The following KCNIP4 variants were observed in gnomAD, a reference collection of about 807,000 sequenced individuals.
KCNIP4 encodes Kv channel-interacting protein 4.
In KCNIP4, 12 loss-of-function variants were observed where a neutral mutation model predicts 34.0. The observed-to-expected ratio is 0.35, with a 90% CI of 0.23 to 0.57. The LOEUF (loss-of-function observed/expected upper bound fraction) is 0.57. KCNIP4 is among the 20% of genes least tolerant of loss of function. The probability of loss-of-function intolerance (pLI) is 0.83; values close to 1 mark genes in which losing one functional copy is unlikely to be tolerated. For synonymous variants in KCNIP4, 124 were observed against 102.2 expected, an observed-to-expected ratio of 1.21 and a Z score of -1.29; for missense variants, 238 against 311.7, an observed-to-expected ratio of 0.76 and a Z score of 1.78.
chr4:21,318,598 G>T (rs1307066866), intron 1 of KCNIP4, among the ~76,000 whole-genome samples: 1 of 151,990 alleles, frequency 6.6e-6, no homozygotes, highest in Non-Finnish European at 1.5e-5. Flanking sequence ...TGCCACTATT[G>T]TACCACCAAA....
intron 1 of KCNIP4, among the ~76,000 whole-genome samples, chr4:21,384,552 C>G (rs961815378): frequency 1.3e-5 from 2 of 152,196 alleles, no homozygotes; most frequent in African/African-American, 2.4e-5. Context: ...AGCATTAAAA[C>G]TACCTCCCAG....
chr4:21,388,527 A>T (rs1180920620), intron 1 of KCNIP4, among the ~76,000 whole-genome samples: 1 of 152,096 alleles, frequency 6.6e-6, no homozygotes, highest in East Asian at 1.9e-4. Context: ...ATATCATATA[A>T]TTTAACCTGT....
intron 1 of KCNIP4, among the ~76,000 whole-genome samples, chr4:21,122,457 G>GTTTT (rs10553440): frequency 7.9e-6 from 1 of 126,360 alleles, no homozygotes. Flanking sequence ...TGCAGATCAA[G>GTTTT]TTTTTTTTTT....
intron 1 of KCNIP4, among the ~76,000 whole-genome samples, chr4:20,892,355 C>T (rs1317998652): frequency 6.6e-6 from 1 of 151,572 alleles, no homozygotes; most frequent in African/African-American, 2.4e-5. Context: ...ATTAATGCTA[C>T]TCTCTGTCAG....
chr4:21,465,919 C>T lies in KCNIP4; in HGVS notation c.61+482652G>A, dbSNP rs144768247. On this transcript the variant is annotated intron_variant, in intron 1 of 8. Transcript: ENST00000382152. ...CATGTGCTCCAGCACCTGCAAACAA[C>T]GTGTATACTCTTCCCTGGAGCAAGA... Among the ~76,000 whole-genome samples, 66 of 152,304 alleles carry T rather than the reference C, an allele frequency of 4.3e-4. 1 individual carries two copies. Among genetic ancestry groups the T allele is most frequent in the Middle Eastern group, 3.4e-3 (1 of 294 alleles).
At chr4:20,950,162 C>T (rs1732632895) in intron 1 of KCNIP4, among the ~76,000 whole-genome samples, 1 of 148,576 alleles carries the variant, frequency 6.7e-6, no homozygotes, top group African/African-American at 2.5e-5. Context: ...ACTGGTTCTT[C>T]CTGTGCAGAG....
At chr4:21,304,242 G>T (rs1000064091) in intron 1 of KCNIP4, among the ~76,000 whole-genome samples, 5 of 152,126 alleles carry the variant, frequency 3.3e-5, no homozygotes, top group African/African-American at 1.2e-4. Context: ...AGTAGCAGCC[G>T]GATAAAGTCG....
chr4:21,708,919 A>T, intron 1 of KCNIP4, among the ~76,000 whole-genome samples: 1 of 152,184 alleles, frequency 6.6e-6, no homozygotes, highest in East Asian at 1.9e-4. Context: ...ATTAGGCCAC[A>T]TATGTGATTT....
At chr4:21,493,108 C>T (rs769528464) in intron 1 of KCNIP4, among the ~76,000 whole-genome samples, 23 of 150,900 alleles carry the variant, frequency 1.5e-4, no homozygotes, top group Non-Finnish European at 3.0e-4. Context: ...AATCCAAATG[C>T]TGGCTCTCTC....
intron 1 of KCNIP4, among the ~76,000 whole-genome samples, chr4:20,970,910 A>C (rs1734878296): frequency 6.6e-6 from 1 of 152,212 alleles, no homozygotes; most frequent in African/African-American, 2.4e-5. Flanking sequence ...CTTGAAATTT[A>C]GCAAAAGAGA....
intron 1 of KCNIP4, among the ~76,000 whole-genome samples, chr4:21,292,882 A>G (rs1763614612): frequency 6.6e-6 from 1 of 152,104 alleles, no homozygotes; most frequent in Non-Finnish European, 1.5e-5. Context: ...TTTTTTCCCT[A>G]TAGCATCCCC....
At chr4:21,009,783 G>C (rs1738908879) in intron 1 of KCNIP4, among the ~76,000 whole-genome samples, 1 of 152,212 alleles carries the variant, frequency 6.6e-6, no homozygotes, top group Non-Finnish European at 1.5e-5. Flanking sequence ...CCTCTGAGCT[G>C]CTTCAGGCAC....
chr4:21,319,321 C>A (rs1578071883), intron 1 of KCNIP4, among the ~76,000 whole-genome samples: 3 of 152,344 alleles, frequency 2.0e-5, no homozygotes, highest in East Asian at 3.9e-4. Context: ...AATAACAAAT[C>A]AACAGACACA....
At chr4:21,566,625 T>C (rs716402) in intron 1 of KCNIP4, among the ~76,000 whole-genome samples, 32,239 of 152,014 alleles carry the variant, frequency 0.21, 3,654 homozygotes, top group East Asian at 0.32. Flanking sequence ...TCTTTATAAA[T>C]TACCCAGTAT....
chr4:20,808,496 G>T (rs1362828883), intron 3 of KCNIP4, among the ~76,000 whole-genome samples: 2 of 152,130 alleles, frequency 1.3e-5, no homozygotes, highest in Non-Finnish European at 2.9e-5. Flanking sequence ...TACTTTGAAA[G>T]AACATAATTA....
chr4:21,798,412 T>C (rs1299759993), intron 1 of KCNIP4, among the ~76,000 whole-genome samples: 52 of 138,108 alleles, frequency 3.8e-4, no homozygotes, highest in African/African-American at 1.4e-3. Flanking sequence ...TACATATATA[T>C]ATATATATAT....
Position 21,370,028 on chromosome 4 carries a change from C to T in KCNIP4, c.62-487319G>A, listed in dbSNP as rs551735477. 4.1e-5 allele frequency among the ~76,000 whole-genome samples: 6 copies of T among 146,948 alleles called. 1 individual carries two copies. The highest frequency in any genetic ancestry group is 6.6e-5 in the Admixed American group (1 of 15,164). On this transcript the variant is annotated intron_variant, in intron 1 of 8. Transcript: ENST00000382152. ...ATTTTTATTAGAGACGGGGTTTCAC[C>T]GTGTTAGCCAGGATGGTCTCGACCT...
At chr4:21,414,876 G>T (rs1450129139) in intron 1 of KCNIP4, among the ~76,000 whole-genome samples, 1 of 151,920 alleles carries the variant, frequency 6.6e-6, no homozygotes, top group Non-Finnish European at 1.5e-5. Flanking sequence ...TTTGATACGG[G>T]CATACAATGC....
At position 21,855,323 on chromosome 4, in the gene KCNIP4, T is replaced by C. The variant is rs1278441396; in HGVS notation, c.61+93248A>G. ...ACTGCAGTCTGACCTCCGTTAGCTT[T>C]TCTTCAATCTGTTTTACAAAATCAC... On this transcript the variant is annotated intron_variant, in intron 1 of 8. Transcript: ENST00000382152. Among the ~76,000 whole-genome samples, 10 of 152,246 alleles carry C rather than the reference T, an allele frequency of 6.6e-5. 1 individual carries two copies. Among genetic ancestry groups the C allele is most frequent in the Admixed American group, 6.5e-4 (10 of 15,286 alleles).
Sources: gnomAD v4.1 joint callset for allele counts (sites outside exome capture counted in the v4.1 genomes callset) on GRCh38, gnomAD v4.1.1 for gene constraint, MANE v1.5 for transcripts, NCBI Gene and HGNC (gene_info 2026-07-23, HGNC 2026-07-21) for gene names.